Variants in ERICH1 observed in about 807,000 individuals in gnomAD.
ERICH1 encodes glutamate rich 1.
ERICH1 carries 56 observed loss-of-function variants against 39.6 expected under a neutral mutation model. That is an observed-to-expected ratio of 1.41 (90% confidence interval 1.14 to 1.77). The LOEUF is 1.77. ERICH1 is among the 40% of genes most tolerant of loss of function. The pLI is 0.00. For missense variants in ERICH1, 826 were observed against 575.4 expected (o/e 1.44, Z -4.45); for synonymous variants, 313 against 223.6 (o/e 1.40, Z -3.57).
chr8:730,802 AAGAGCTG>A (rs1326636770), intron 1 of ERICH1, among the ~76,000 whole-genome samples: 2 of 152,168 alleles, frequency 1.3e-5, no homozygotes, highest in Non-Finnish European at 2.9e-5. Context: ...GACCCCTCTG[AAGAGCTG>A]AGCGGCTCCT....
chr8:658,651 A>C (rs1428957865), intron 3 of ERICH1, among the ~76,000 whole-genome samples: 1 of 152,134 alleles, frequency 6.6e-6, no homozygotes, highest in African/African-American at 2.4e-5. Context: ...CCTCAATGAG[A>C]TCATCAGGGC....
chr8:700,354 CGCGCACAGGCCCGCACAG>C (rs1811730264), intron 2 of ERICH1, among the ~76,000 whole-genome samples: 1 of 68,684 alleles, frequency 1.5e-5, no homozygotes, highest in Non-Finnish European at 3.9e-5. Context: ...GATCCGCACA[CGCGCACAGGCCCGCACAG>C]GCGCACAGGC....
At chr8:713,531 C>T (rs965278083) in intron 2 of ERICH1, among the ~76,000 whole-genome samples, 11 of 152,128 alleles carry the variant, frequency 7.2e-5, no homozygotes, top group African/African-American at 2.7e-4. Context: ...GAACTTTTTC[C>T]TTCTCACTTG....
intron 1 of ERICH1, among the ~76,000 whole-genome samples, chr8:718,662 A>G (rs957528532): frequency 6.6e-6 from 1 of 152,190 alleles, no homozygotes; most frequent in Non-Finnish European, 1.5e-5. Context: ...GGGAGTCACA[A>G]GCTCCGCCTT....
intron 3 of ERICH1, among the ~76,000 whole-genome samples, chr8:649,933 G>T (rs1357109359): frequency 2.0e-5 from 3 of 152,202 alleles, no homozygotes; most frequent in Non-Finnish European, 4.4e-5. Context: ...GGGGAAGCGT[G>T]TGCTGGCGTC....
At chr8:641,535 TCAAAGGTGTC>T (rs1563179952) in intron 3 of ERICH1, among the ~76,000 whole-genome samples, 1 of 152,270 alleles carries the variant, frequency 6.6e-6, no homozygotes, top group Non-Finnish European at 1.5e-5. Flanking sequence ...ATGTATTTCC[TCAAAGGTGTC>T]TCTCATTCCA....
chr8:636,823 T>C (rs1361160609), intron 3 of ERICH1, among the ~76,000 whole-genome samples: 1 of 152,212 alleles, frequency 6.6e-6, no homozygotes, highest in Non-Finnish European at 1.5e-5. Context: ...TGCCCTCCCG[T>C]CCAGAATCCT....
At chr8:633,953 C>T (rs1046850655) in intron 3 of ERICH1, among the ~76,000 whole-genome samples, 1 of 152,160 alleles carries the variant, frequency 6.6e-6, no homozygotes, top group African/African-American at 2.4e-5. Context: ...AAAACTGCCA[C>T]GATGTTGGAT....
intron 3 of ERICH1, among the ~76,000 whole-genome samples, chr8:644,645 C>T (rs920759254): frequency 1.5e-5 from 1 of 68,940 alleles, no homozygotes; most frequent in African/African-American, 3.6e-5. Context: ...CCAGGAGCTG[C>T]GTGAGTGGTG....
At chr8:698,436 C>T (rs538203400) in intron 2 of ERICH1, among the ~76,000 whole-genome samples, 1 of 152,084 alleles carries the variant, frequency 6.6e-6, no homozygotes, top group Non-Finnish European at 1.5e-5. Context: ...CCAAGGTCGT[C>T]TTGAACTCCT....
rs534397048 is a variant in ERICH1, at chr8:692,554, C to T, written c.228G>A (p.Glu76=). 2 of 1,613,264 alleles carry T rather than the reference C, an allele frequency of 1.2e-6. No homozygotes were observed. Among genetic ancestry groups the T allele is most frequent in the South Asian group, 1.1e-5 (1 of 91,042 alleles). ...GCTCCGGCCAACAGGGGACGTAGCC[C>T]TCAGGAGGCCCGCTGGCAGTGTAGA... The part of the protein sequence containing the change: ...RRLYTASGPP[E]GYVPCWPEPS... Residue 76 remains glutamate, a synonymous_variant, in exon 3 of 6, where the codon GAG becomes GAA. Coordinates refer to ENST00000262109, the MANE Select transcript of ERICH1 (RefSeq NM_207332.3).
At chr8:727,791 G>A (rs1415319070) in intron 1 of ERICH1, among the ~76,000 whole-genome samples, 4 of 152,142 alleles carry the variant, frequency 2.6e-5, no homozygotes, top group South Asian at 2.1e-4. Flanking sequence ...TCCTTGACGC[G>A]AGCGGCTGGC....
chr8:644,375 G>A (rs539191593), intron 3 of ERICH1, among the ~76,000 whole-genome samples: 4 of 152,332 alleles, frequency 2.6e-5, no homozygotes, highest in Admixed American at 6.5e-5. Flanking sequence ...TGCTTGTGAC[G>A]CTGAAAAATT....
intron 3 of ERICH1, among the ~76,000 whole-genome samples, chr8:651,713 G>C (rs866404895): frequency 7.1e-6 from 1 of 141,250 alleles, no homozygotes; most frequent in Non-Finnish European, 1.6e-5. Flanking sequence ...AGGCTGAGAC[G>C]GAGTGGGAGG....
chr8:668,263 T>C (rs1185620062), intron 5 of ERICH1: 1 of 337,656 alleles, frequency 3.0e-6, no homozygotes, highest in Non-Finnish European at 5.6e-6. Flanking sequence ...TAAGCAAAAA[T>C]TTACCATCTA....
intron 3 of ERICH1, among the ~76,000 whole-genome samples, chr8:680,914 G>A (rs894881215): frequency 6.6e-6 from 1 of 152,224 alleles, no homozygotes; most frequent in African/African-American, 2.4e-5. Flanking sequence ...CAGGGCAGAG[G>A]GGAGGAAGGG....
chr8:622,353 G>A (rs1046180087), intron 3 of ERICH1, among the ~76,000 whole-genome samples: 1 of 152,162 alleles, frequency 6.6e-6, no homozygotes, highest in East Asian at 1.9e-4. Context: ...AGAGTGACTA[G>A]GTCATGAGGG....
At chr8:625,112 C>G (rs949452030) in intron 3 of ERICH1, among the ~76,000 whole-genome samples, 2 of 152,296 alleles carry the variant, frequency 1.3e-5, no homozygotes, top group African/African-American at 2.4e-5. Context: ...CCAATCACTC[C>G]CACCAGCTCC....
downstream of ERICH1, among the ~76,000 whole-genome samples, chr8:659,975 A>G (rs1237950091): frequency 6.6e-6 from 1 of 152,172 alleles, no homozygotes; most frequent in East Asian, 1.9e-4. Context: ...AATCCCTTAC[A>G]AGGATCCTGG....
Sources: allele counts gnomAD v4.1 joint callset (sites outside exome capture counted in the v4.1 genomes callset), GRCh38; gene constraint gnomAD v4.1.1; transcripts MANE v1.5; gene names NCBI Gene and HGNC (gene_info 2026-07-23, HGNC 2026-07-21).